The following CR1 variants were observed in gnomAD, a reference collection of about 807,000 sequenced individuals.
The protein encoded by CR1 is complement C3b/C4b receptor 1 (Knops blood group).
Under a neutral mutation model 187.3 loss-of-function variants are expected in CR1, and 116 were observed. The observed-to-expected ratio is 0.62, with a 90% CI of 0.53 to 0.72. The LOEUF (loss-of-function observed/expected upper bound fraction) is 0.72, where lower values mean the gene tolerates loss of function less well. Among genes scored for constraint, CR1 ranks in the 30% least tolerant of loss-of-function variants. CR1 has a pLI of 0.00. For missense variants in CR1, 1,731 were observed against 2,110.7 expected (o/e 0.82, Z 3.52); for synonymous variants, 576 against 747.1 (o/e 0.77, Z 3.73).
intron 24 of CR1, among the ~76,000 whole-genome samples, chr1:207,566,350 G>C (rs1660496409): frequency 6.7e-6 from 1 of 148,472 alleles, no homozygotes. Context: ...TCAAAGTGCA[G>C]TCAGTCTACA....
chr1:207,608,388 T>C (rs2102382036), intron 36 of CR1, among the ~76,000 whole-genome samples: 1 of 152,340 alleles, frequency 6.6e-6, no homozygotes, highest in Middle Eastern at 3.4e-3. Flanking sequence ...TCCACATATG[T>C]ATCTAAGAGG....
Position 207,617,612 on chromosome 1 carries a change from TAG to T in CR1, c.6890-409_6890-408del, listed in dbSNP as rs1156448710. ...ATATATATATATATATATATATATA[TAG>T]AGAGAGAGAGAGAGAGAGAGAGAGA... On this transcript the variant is annotated intron_variant, in intron 41 of 46. Coordinates refer to ENST00000367049, the MANE Select transcript of CR1 (RefSeq NM_000651.6). 8.1e-3 allele frequency among the ~76,000 whole-genome samples: 177 copies of T among 21,936 alleles called. 2 individuals carry two copies. The highest frequency in any genetic ancestry group is 0.022 in the Middle Eastern group (1 of 46). 14.4% of individuals were successfully genotyped at this position (21,936 alleles called of 152,430 possible).
intron 40 of CR1, among the ~76,000 whole-genome samples, chr1:207,615,351 C>T (rs796483388): frequency 1.4e-4 from 21 of 152,070 alleles, no homozygotes; most frequent in Middle Eastern, 3.4e-3. Flanking sequence ...AAAATTATAA[C>T]ATATAAAATG....
In CR1 at chr1:207,617,507, A is replaced by ATATATATGTG. The variant is rs1332301171; in HGVS notation, c.6890-563_6890-562insATATATGTGT. 1.6e-3 allele frequency among the ~76,000 whole-genome samples: 76 copies of ATATATATGTG among 47,032 alleles called. 5 individuals are homozygous for ATATATATGTG. The highest frequency in any genetic ancestry group is 0.016 in the South Asian group (24 of 1,528). The allele number at this position is 47,032 out of a possible 152,430, so 30.9% of individuals were successfully genotyped here. A position where few individuals can be genotyped will look rare whatever the true frequency, so the allele number is the denominator to read the frequency against. ...AGTATATATATATATATATATATAT[A>ATATATATGTG]TGTGTGTGTGTGTGTGTGTGTGTGT... On this transcript the variant is annotated intron_variant, in intron 41 of 46. Coordinates refer to ENST00000367049, the MANE Select transcript of CR1 (RefSeq NM_000651.6).
rs777690036 is a variant in CR1, at chr1:207,611,687, G to T, written c.6306G>T (p.Pro2102=). The change falls in exon 38 of 47, where the codon CCG becomes CCT. Residue 2102 remains proline, a synonymous_variant. Coordinates refer to ENST00000367049, the MANE Select transcript of CR1 (RefSeq NM_000651.6). ...CTGTCCTTTCCACAGTGTGTCAGCC[G>T]CCTCCAGAAATCCTGCATGGTGAGC... The part of the protein sequence containing the change: ...KLPHCSRVCQ[P]PPEILHGEHT... 1 of 1,613,626 alleles carries T rather than the reference G, an allele frequency of 6.2e-7. No homozygotes were observed. The highest frequency in any genetic ancestry group is 8.5e-7 in the Non-Finnish European group (1 of 1,179,774).
intron 28 of CR1, 30 bp from the exon 29 acceptor site, chr1:207,577,775 G>C (rs773532973): frequency 6.2e-7 from 1 of 1,612,496 alleles, no homozygotes; most frequent in Non-Finnish European, 8.5e-7. Context: ...CCAAGGTTTT[G>C]TTTTGGTTAA....
At chr1:207,629,478 A>T (rs944855205) in intron 45 of CR1, among the ~76,000 whole-genome samples, 1 of 151,974 alleles carries the variant, frequency 6.6e-6, no homozygotes, top group African/African-American at 2.4e-5. Flanking sequence ...GCTATATACC[A>T]CTCCACTCTT....
At chr1:207,635,613 G>A (rs185149712) in intron 46 of CR1, among the ~76,000 whole-genome samples, 17 of 151,950 alleles carry the variant, frequency 1.1e-4, no homozygotes, top group South Asian at 6.2e-4. Context: ...CAACAGCAAC[G>A]AGGCGTTCCT....
Position 207,626,533 on chromosome 1 carries a change from G to A in CR1, c.7352+3465G>A, listed in dbSNP as rs1662484477. Among the ~76,000 whole-genome samples the A allele has an allele frequency of 3.9e-5, 6 of 152,202 alleles. No homozygotes were observed. The South Asian group carries it at 1.0e-3, about 26-fold the overall frequency. On this transcript the variant is annotated intron_variant, in intron 45 of 46. Coordinates refer to ENST00000367049, the MANE Select transcript of CR1 (RefSeq NM_000651.6). ...AAGCCATGTGGGAAACACAGAATAT[G>A]AGTGGAGAGTATCGTAGTGGTCACC...
rs985638744 is a variant in CR1 at position 207,618,013 on chromosome 1, A to T, written c.6890-58A>T. On this transcript the variant is annotated intron_variant, in intron 41 of 46. Coordinates refer to ENST00000367049, the MANE Select transcript of CR1 (RefSeq NM_000651.6). Reference sequence around the variant, plus strand: ...AGATATTGGATGTGTTCATGTATTCATATGTCTATGTTTAACTGAGTGTCT... The same window carrying T: ...AGATATTGGATGTGTTCATGTATTCTTATGTCTATGTTTAACTGAGTGTCT... The T allele has an allele frequency of 5.8e-6, 9 of 1,560,928 alleles. No homozygotes were observed. In the African/African-American group the frequency reaches 1.2e-4, roughly 21 times the overall value.
Position 207,580,549 on chromosome 1 carries a change from G to A in CR1, c.5152G>A (p.Gly1718Ser), listed in dbSNP as rs1558244794. 3 of 1,611,516 alleles carry A rather than the reference G, an allele frequency of 1.9e-6. No homozygotes were observed. The highest frequency in any genetic ancestry group is 2.7e-5 in the African/African-American group (2 of 74,074). The change falls in exon 31 of 47, where the codon GGC becomes AGC. Residue 1718 changes from glycine (G) to serine (S), a missense_variant. Gly to Ser is a moderately conservative substitution (Grantham distance 56). Transcript: ENST00000367049. ...CDDFLGQLPH[G>S]RVLFPLNLQL... ...TGACTTCTTGGGTCAACTCCCTCATGGCCGTGTGCTATTTCCACTTAATCT... is the reference window on the plus strand; with the variant it reads ...TGACTTCTTGGGTCAACTCCCTCATAGCCGTGTGCTATTTCCACTTAATCT...
chr1:207,635,576 C>G (rs1365079219), intron 46 of CR1, among the ~76,000 whole-genome samples: 2 of 151,998 alleles, frequency 1.3e-5, no homozygotes, highest in African/African-American at 4.8e-5. Flanking sequence ...CAGGGATGAG[C>G]AGGAGACAGA....
intron 35 of CR1, among the ~76,000 whole-genome samples, chr1:207,597,067 A>G (rs1661467942): frequency 6.7e-6 from 1 of 149,064 alleles, no homozygotes; most frequent in African/African-American, 2.4e-5. Context: ...TATAAATTTT[A>G]TTTACATGAT....
At chr1:207,515,139 G>A (rs563524755) in intron 4 of CR1, among the ~76,000 whole-genome samples, 92 of 133,232 alleles carry the variant, frequency 6.9e-4, no homozygotes, top group African/African-American at 2.4e-3. Context: ...GTATATATAC[G>A]TGTATACGTA....
chr1:207,599,793 G>A (rs555198951), intron 35 of CR1, among the ~76,000 whole-genome samples: 4 of 152,348 alleles, frequency 2.6e-5, no homozygotes, highest in East Asian at 3.9e-4. Flanking sequence ...ATACACATAT[G>A]TGTGTTTGAT....
At chr1:207,575,790 A>G in intron 28 of CR1, 110 bp downstream of exon 28, 1 of 1,540,048 alleles carries the variant, frequency 6.5e-7, no homozygotes, top group Non-Finnish European at 9.0e-7. Flanking sequence ...TCCTTCTGAT[A>G]TTTGAAGAAT....
rs768195052 is a variant in CR1, at chr1:207,580,270, G to C, written c.4967G>C (p.Gly1656Ala). Residue 1656 changes from glycine (G) to alanine (A), a missense_variant, in exon 30 of 47, where the codon GGT becomes GCT. Physicochemically the swap from Gly to Ala is moderately conservative, Grantham distance 60. This residue lies in a region of CR1 where 1,312 missense variants were observed against 1,379.6 expected (regional missense o/e 0.95). Coordinates refer to ENST00000367049, the MANE Select transcript of CR1 (RefSeq NM_000651.6). ...VCQPPPEILH[G>A]EHTPSHQDNF... is the part of the protein sequence containing the mutation. ...CAGCCGCCTCCAGAAATCCTGCATG[G>C]TGAGCATACCCCAAGCCATCAGGAC... The C allele has an allele frequency of 6.2e-7, 1 of 1,613,758 alleles. No homozygotes were observed. The highest frequency in any genetic ancestry group is 8.5e-7 in the Non-Finnish European group (1 of 1,179,822).
At chr1:207,620,130 T>C in intron 43 of CR1, 65 bp downstream of exon 43, 5 of 1,500,180 alleles carry the variant, frequency 3.3e-6, no homozygotes, top group Middle Eastern at 1.8e-4. Context: ...CATTCATCCA[T>C]ATTGGCATCA....
At chr1:207,525,960 AT>A (rs1660155492) in intron 5 of CR1, among the ~76,000 whole-genome samples, 1 of 151,976 alleles carries the variant, frequency 6.6e-6, no homozygotes, top group South Asian at 2.1e-4. Flanking sequence ...AACCGAAATT[AT>A]TTTTTCCATT....
Sources: allele counts gnomAD v4.1 joint callset (sites outside exome capture counted in the v4.1 genomes callset), GRCh38; gene constraint gnomAD v4.1.1; regional missense constraint gnomAD v4.1.1; transcripts MANE v1.5; gene names NCBI Gene and HGNC (gene_info 2026-07-23, HGNC 2026-07-21).